The following RPS6KB2 variants were observed in gnomAD, a reference collection of about 807,000 sequenced individuals.
RPS6KB2 encodes ribosomal protein S6 kinase B2.
A neutral mutation model predicts 58.2 loss-of-function variants in RPS6KB2; 51 were observed. That is an observed-to-expected ratio of 0.88 (90% CI 0.70 to 1.11). The LOEUF is 1.11. RPS6KB2 is among the 50% of genes least tolerant of loss of function. RPS6KB2 has a pLI of 0.00. For synonymous variants in RPS6KB2, 293 were observed against 258.6 expected, an observed-to-expected ratio of 1.13 and a Z score of -1.28; for missense variants, 671 against 655.8, an observed-to-expected ratio of 1.02 and a Z score of -0.25.
Position 67,431,358 on chromosome 11 carries a change from G to T in RPS6KB2, c.310-10G>T. 1 of 1,612,830 alleles carries T rather than the reference G, an allele frequency of 6.2e-7. No homozygotes were observed. The highest frequency in any genetic ancestry group is 8.5e-7 in the Non-Finnish European group (1 of 1,179,078). On this transcript the variant is annotated splice_polypyrimidine_tract_variant and intron_variant, in intron 4 of 14. Coordinates refer to ENST00000312629, the MANE Select transcript of RPS6KB2 (RefSeq NM_003952.3). ...ATGCCTCAGTTTCTAACCAATTCCT[G>T]TATCTCCAGGCCAAAATTGTGCGCA...
In RPS6KB2 at chr11:67,429,126, G is replaced by A; in HGVS notation, c.126G>A (p.Val42=). Residue 42 remains valine (V), a synonymous_variant, in exon 3 of 15, where the codon GTG becomes GTA. Transcript: ENST00000312629. ...TAACTCCTTGTGTCCGTAGGCCTGT[G>A]GGACACTATGAAGAGGTGGAGCTGA... The part of the protein sequence containing the change: ...AELRAAGLEP[V]GHYEEVELTE... The A allele has an allele frequency of 6.2e-7, 1 of 1,613,988 alleles. No individual in the cohort carries two copies. The highest frequency in any genetic ancestry group is 8.5e-7 in the Non-Finnish European group (1 of 1,180,042).
Position 67,432,982 on chromosome 11 carries a change from G to A in RPS6KB2, c.647G>A (p.Cys216Tyr), listed in dbSNP as rs899385294. The change falls in exon 8 of 15, where the codon TGC becomes TAC. Residue 216 changes from cysteine (C) to tyrosine (Y), a missense_variant. By Grantham distance (194) the Cys-to-Tyr change is radical (BLOSUM62 -2). Coordinates refer to ENST00000312629, the MANE Select transcript of RPS6KB2 (RefSeq NM_003952.3). ...GHIKLTDFGL[C>Y]KESIHEGAVT... is the part of the protein sequence containing the mutation. ...ATCAAACTGACCGACTTTGGACTCT[G>A]CAAGGAGTCTATCCATGAGGGCGCC... is the stretch of plus-strand genomic sequence containing the variant. 22 of 1,613,418 alleles carry A rather than the reference G, an allele frequency of 1.4e-5. No individual in the cohort carries two copies. The highest frequency in any genetic ancestry group is 2.2e-5 in the East Asian group (1 of 44,886).
chr11:67,434,515 C>A (rs1317951923), intron 13 of RPS6KB2, 31 bp downstream of exon 13: 1 of 1,602,786 alleles, frequency 6.2e-7, no homozygotes, highest in South Asian at 1.1e-5. Flanking sequence ...CCTGTGGGAC[C>A]AGGGCACGGA....
rs1305875249 is a variant in RPS6KB2, at chr11:67,434,448, CACAGCCCTCAGCGAG to C, written c.1121_1135del (p.Thr374_Glu378del). On this transcript the variant is annotated inframe_deletion, in exon 13 of 15. Transcript: ENST00000312629. Reference sequence around the variant, plus strand: ...AGACGCCGGTGGACAGTCCTGATGACACAGCCCTCAGCGAGAGTGCCAACCAGGCCTTCCTGGTGA... The same window carrying C: ...AGACGCCGGTGGACAGTCCTGATGACAGTGCCAACCAGGCCTTCCTGGTGA... 6 of 1,612,930 alleles carry C rather than the reference CACAGCCCTCAGCGAG, an allele frequency of 3.7e-6. 1 individual carries two copies. In the South Asian group the frequency reaches 6.6e-5, roughly 18 times the overall value.
At chr11:67,432,482 C>T (rs1382267066) in intron 5 of RPS6KB2, 118 bp from the exon 6 acceptor site, 1 of 1,076,162 alleles carries the variant, frequency 9.3e-7, no homozygotes, top group Non-Finnish European at 1.4e-6. Flanking sequence ...CACGGCAGCT[C>T]TGTGAGGCAG....
At position 67,428,571 on chromosome 11, in the gene RPS6KB2, T is replaced by C. The variant is rs1345243195; in HGVS notation, c.26T>C (p.Leu9Ser). The C allele has an allele frequency of 6.2e-7, 1 of 1,610,888 alleles. No individual in the cohort carries two copies. The highest frequency in any genetic ancestry group is 8.5e-7 in the Non-Finnish European group (1 of 1,179,082). Reference sequence around the variant, plus strand: ...ATGGCGGCCGTGTTTGATTTGGATTTGGAGACGGAGGAAGGCAGCGAGGGC... The same window carrying C: ...ATGGCGGCCGTGTTTGATTTGGATTCGGAGACGGAGGAAGGCAGCGAGGGC... Reference protein sequence around the residue: MAAVFDLDLETEEGSEGEG... With the variant: MAAVFDLDSETEEGSEGEG... The change falls in exon 1 of 15, where the codon TTG becomes TCG. Residue 9 changes from leucine to serine, a missense_variant. Physicochemically the swap from Leu to Ser is moderately radical, Grantham distance 145. Transcript: ENST00000312629.
chr11:67,433,925 C>A, intron 10 of RPS6KB2, 70 bp from the exon 11 acceptor site: 1 of 1,557,528 alleles, frequency 6.4e-7, no homozygotes, highest in Non-Finnish European at 8.8e-7. Context: ...CCTACTCCAG[C>A]TAGCCCTGGG....
chr11:67,428,535 C>G lies in RPS6KB2; in HGVS notation c.-11C>G. On this transcript the variant is annotated 5_prime_UTR_variant, in exon 1 of 15. Transcript: ENST00000312629. ...GGTACGGGCCGACGGGCCCGCGGGGCCGGCGCCGCCATGGCGGCCGTGTTT... is the reference window on the plus strand; with the variant it reads ...GGTACGGGCCGACGGGCCCGCGGGGGCGGCGCCGCCATGGCGGCCGTGTTT... 2 of 1,602,052 alleles carry G rather than the reference C, an allele frequency of 1.2e-6. No individual in the cohort carries two copies. Among genetic ancestry groups the G allele is most frequent in the Non-Finnish European group, 1.7e-6 (2 of 1,174,348 alleles).
chr11:67,432,045 G>A (rs1032118958), intron 5 of RPS6KB2: 2 of 326,204 alleles, frequency 6.1e-6, no homozygotes, highest in South Asian at 2.5e-5. Flanking sequence ...AGAGTCCTGC[G>A]GCTGGCTGCC....
intron 3 of RPS6KB2, 69 bp from the exon 4 acceptor site, chr11:67,429,458 C>A: frequency 6.7e-7 from 1 of 1,496,316 alleles, no homozygotes; most frequent in East Asian, 2.3e-5. Flanking sequence ...AAAGCCAGAG[C>A]TTCAGGGTGG....
At position 67,434,247 on chromosome 11, in the gene RPS6KB2, G is replaced by A. The variant is rs199570304; in HGVS notation, c.1019G>A (p.Arg340His). The A allele has an allele frequency of 4.3e-6, 7 of 1,613,744 alleles. No individual in the cohort carries two copies. The South Asian group carries it at 4.4e-5, about 10-fold the overall frequency. Residue 340 changes from arginine to histidine, a missense_variant, in exon 12 of 15, where the codon CGT becomes CAT. Coordinates refer to ENST00000312629, the MANE Select transcript of RPS6KB2 (RefSeq NM_003952.3). ...HMNWDDLLAW[R>H]VDPPFRPCLQ... is the part of the protein sequence containing the mutation. ...AATTGGGACGACCTTCTGGCCTGGCGTGTGGACCCCCCTTTCAGGCCCTGT... is the reference window on the plus strand; with the variant it reads ...AATTGGGACGACCTTCTGGCCTGGCATGTGGACCCCCCTTTCAGGCCCTGT...
chr11:67,431,732 G>A (rs1268310442), intron 5 of RPS6KB2: 1 of 533,440 alleles, frequency 1.9e-6, no homozygotes, highest in Non-Finnish European at 3.4e-6. Flanking sequence ...TCCCTCACGT[G>A]TGTTGGGGGT....
In RPS6KB2 at chr11:67,431,376, T is replaced by G; in HGVS notation, c.318T>G (p.Ile106Met). ...YAMKVLRKAK[I>M]VRNAKDTAHT... ...AATTCCTGTATCTCCAGGCCAAAAT[T>G]GTGCGCAATGCCAAGGACACAGCAC... is the stretch of plus-strand genomic sequence containing the variant. The change falls in exon 5 of 15, where the codon ATT becomes ATG. Residue 106 changes from isoleucine to methionine, a missense_variant. Coordinates refer to ENST00000312629, the MANE Select transcript of RPS6KB2 (RefSeq NM_003952.3). 6.2e-7 allele frequency: 1 copy of G among 1,613,826 alleles called. No homozygotes were observed. Among genetic ancestry groups the G allele is most frequent in the Non-Finnish European group, 8.5e-7 (1 of 1,179,838 alleles).
rs1170494769 is a variant in RPS6KB2, at chr11:67,432,839, T to C, written c.616+2T>C. 7 of 1,613,302 alleles carry C rather than the reference T, an allele frequency of 4.3e-6. No individual in the cohort carries two copies. The highest frequency in any genetic ancestry group is 5.9e-6 in the Non-Finnish European group (7 of 1,179,752). ...AGAACATCATGCTCAGCAGCCAGGGTGCGCATGTGTGTGCGGGCAGCTGCA... is the reference window on the plus strand; with the variant it reads ...AGAACATCATGCTCAGCAGCCAGGGCGCGCATGTGTGTGCGGGCAGCTGCA... On this transcript the variant is annotated splice_donor_variant, in intron 7 of 14. Transcript: ENST00000312629. LOFTEE classifies it high-confidence loss of function.
rs1306299576 is a variant in RPS6KB2, at chr11:67,434,415, C to T, written c.1086C>T (p.Phe362=). Residue 362 remains phenylalanine, a synonymous_variant, in exon 13 of 15, where the codon TTC becomes TTT. Transcript: ENST00000312629. ...ACGTGAGCCAGTTTGATACCCGCTT[C>T]ACACGGCAGACGCCGGTGGACAGTC... ...EEDVSQFDTR[F]TRQTPVDSPD... 1 of 1,613,172 alleles carries T rather than the reference C, an allele frequency of 6.2e-7. No homozygotes were observed. The highest frequency in any genetic ancestry group is 8.5e-7 in the Non-Finnish European group (1 of 1,180,030).
chr11:67,433,228 C>T lies in RPS6KB2; in HGVS notation c.798+12C>T, dbSNP rs373372351. 66 of 1,607,232 alleles carry T rather than the reference C, an allele frequency of 4.1e-5. 1 individual carries two copies. In the Middle Eastern group the frequency reaches 8.2e-4, roughly 20 times the overall value. ...TGCTCACTGGATCGGCAAGTCCAGC[C>T]CCCGGGGAGGAGGAGGGGCAGGGGC... is the stretch of plus-strand genomic sequence containing the variant. On this transcript the variant is annotated intron_variant, in intron 9 of 14. Transcript: ENST00000312629.
At chr11:67,428,772 T>G in intron 1 of RPS6KB2, 149 bp downstream of exon 1, 1 of 907,522 alleles carries the variant, frequency 1.1e-6, no homozygotes, top group Non-Finnish European at 1.7e-6. Context: ...TAAGTTCTGA[T>G]CCCACCCTCA....
chr11:67,429,420 CT>C, intron 3 of RPS6KB2, 106 bp from the exon 4 acceptor site: 1 of 1,376,066 alleles, frequency 7.3e-7, no homozygotes, highest in Non-Finnish European at 1.0e-6. Flanking sequence ...CTGCCCCACC[CT>C]TGGCAGGGCC....
Position 67,428,984 on chromosome 11 carries a change from C to A in RPS6KB2, c.81C>A (p.Asp27Glu). Residue 27 changes from aspartate (D) to glutamate (E), a missense_variant and splice_region_variant, in exon 2 of 15, where the codon GAC becomes GAA. Coordinates refer to ENST00000312629, the MANE Select transcript of RPS6KB2 (RefSeq NM_003952.3). ...TCTTACCCCTCGGTTTCTCACAGGA[C>A]GCATGTCCCCTTGCCGAGTTGAGGG... is the stretch of plus-strand genomic sequence containing the variant. The part of the protein sequence containing the change: ...GEGEPELSPA[D>E]ACPLAELRAA... 1 of 1,613,922 alleles carries A rather than the reference C, an allele frequency of 6.2e-7. No homozygotes were observed. Among genetic ancestry groups the A allele is most frequent in the Non-Finnish European group, 8.5e-7 (1 of 1,180,004 alleles).
Sources: allele counts gnomAD v4.1 joint callset, GRCh38; gene constraint gnomAD v4.1.1; transcripts MANE v1.5; gene names NCBI Gene and HGNC (gene_info 2026-07-23, HGNC 2026-07-21).